Variants in COL4A6 observed in about 807,000 individuals in gnomAD.
COL4A6 encodes the protein collagen type IV alpha 6 chain.
A neutral mutation model predicts 126.7 loss-of-function variants in COL4A6; 59 were observed. The observed-to-expected ratio is 0.47, with a 90% CI of 0.38 to 0.58. COL4A6 has a LOEUF of 0.58. Among genes scored for constraint, COL4A6 ranks in the 20% least tolerant of loss-of-function variants. The pLI is 0.00. For missense variants in COL4A6, 1,285 were observed against 1,337.3 expected (o/e 0.96, Z 0.61); for synonymous variants, 547 against 496.6 (o/e 1.10, Z -1.35).
At chrX:108,188,445 G>T in intron 21 of COL4A6, 72 bp downstream of exon 21, 1 of 991,628 alleles carries the variant, frequency 1.0e-6, no homozygotes, top group Non-Finnish European at 1.3e-6. Flanking sequence ...CTTTAGAAAA[G>T]TAACTGGGGG....
chrX:108,240,017 C>T (rs969229817), intron 3 of COL4A6, among the ~76,000 whole-genome samples: 3 of 110,906 alleles, frequency 2.7e-5, no homozygotes, highest in Non-Finnish European at 5.7e-5. Flanking sequence ...CTGAGGTGGG[C>T]AGATCACTTG....
chrX:108,330,681 T>C (rs766114871), intron 2 of COL4A6, among the ~76,000 whole-genome samples: 3 of 111,035 alleles, frequency 2.7e-5, no homozygotes, highest in Non-Finnish European at 5.7e-5. Context: ...GAGATACAGG[T>C]GGTCTCAGCA....
At chrX:108,181,273 G>A (rs767753025) in intron 23 of COL4A6, among the ~76,000 whole-genome samples, 52 of 112,663 alleles carry the variant, frequency 4.6e-4, no homozygotes, top group Non-Finnish European at 7.9e-4. Flanking sequence ...CTTAGAGATT[G>A]CCTGTGCAGG....
chrX:108,207,159 A>G (rs2035568873), intron 8 of COL4A6, among the ~76,000 whole-genome samples: 1 of 111,915 alleles, frequency 8.9e-6, no homozygotes, highest in African/African-American at 3.2e-5. Context: ...AATTAAAGAT[A>G]GGCATGCTAT....
At chrX:108,219,532 A>G (rs775991381) in intron 5 of COL4A6, among the ~76,000 whole-genome samples, 166 bp downstream of exon 5, 153 of 111,877 alleles carry the variant, frequency 1.4e-3, no homozygotes, top group African/African-American at 4.7e-3. Flanking sequence ...CCTGAATCCA[A>G]GGGCAATTGT....
chrX:108,372,829 A>C lies in COL4A6; in HGVS notation c.64-62001T>G, dbSNP rs752003786. On this transcript the variant is annotated intron_variant, in intron 2 of 44. Coordinates refer to ENST00000334504, the MANE Select transcript of COL4A6 (RefSeq NM_033641.4). ...CTCAGATTAATTCATTTTGTCTTCA[A>C]ATCAACCCTATTTAGTATGTAGTAT... Among the ~76,000 whole-genome samples the C allele has an allele frequency of 1.7e-3, 191 of 112,386 alleles. 1 individual carries two copies. The highest frequency in any genetic ancestry group is 3.1e-3 in the Non-Finnish European group (167 of 53,276).
chrX:108,208,274 A>G (rs2035607915), intron 8 of COL4A6, among the ~76,000 whole-genome samples: 1 of 110,794 alleles, frequency 9.0e-6, no homozygotes, highest in South Asian at 3.7e-4. Flanking sequence ...CAGAAACACT[A>G]GACAAAAATA....
chrX:108,164,752 G>T, intron 39 of COL4A6, 54 bp from the exon 40 acceptor site: 1 of 1,185,375 alleles, frequency 8.4e-7, no homozygotes, highest in East Asian at 3.0e-5. Context: ...GGGTGGTAGG[G>T]GTGGAGGATA....
At chrX:108,425,733 A>AAC (rs752707988) in intron 2 of COL4A6, among the ~76,000 whole-genome samples, 3,031 of 90,482 alleles carry the variant, frequency 0.033, 48 homozygotes, top group Middle Eastern at 0.038. Context: ...CACACACACA[A>AAC]ACACACACAC....
chrX:108,431,279 C>T (rs1244006083), intron 2 of COL4A6, among the ~76,000 whole-genome samples: 1 of 111,755 alleles, frequency 8.9e-6, no homozygotes, highest in Non-Finnish European at 1.9e-5. Flanking sequence ...ACTAGTGAGG[C>T]AAGTTTGTGT....
intron 16 of COL4A6, among the ~76,000 whole-genome samples, chrX:108,193,986 G>T (rs771548244): frequency 3.5e-5 from 4 of 112,878 alleles, no homozygotes; most frequent in Admixed American, 2.8e-4. Context: ...GGCCTTGGCT[G>T]TACCTAAGTA....
At chrX:108,302,994 C>T (rs748695097) in intron 3 of COL4A6, among the ~76,000 whole-genome samples, 22 of 106,566 alleles carry the variant, frequency 2.1e-4, no homozygotes, top group African/African-American at 5.7e-4. Flanking sequence ...GCATGCCCTC[C>T]CCCCTCCACC....
intron 7 of COL4A6, 78 bp from the exon 8 acceptor site, chrX:108,210,082 T>C (rs1027018066): frequency 3.1e-5 from 32 of 1,038,640 alleles, no homozygotes; most frequent in Non-Finnish European, 4.1e-5. Flanking sequence ...CTAACATTTA[T>C]AGGGACAAAA....
At position 108,211,737 on chromosome X, in the gene COL4A6, G is replaced by A. The variant is rs1485438323; in HGVS notation, c.445C>T (p.Leu149Phe). 3.3e-6 allele frequency: 4 copies of A among 1,206,983 alleles called. No individual in the cohort carries two copies. Among genetic ancestry groups the A allele is most frequent in the Non-Finnish European group, 4.5e-6 (4 of 892,204 alleles). Residue 149 changes from leucine to phenylalanine, a missense_variant, in exon 7 of 45, where the codon CTT becomes TTT. Leu to Phe is a conservative substitution (Grantham distance 22). Transcript: ENST00000334504. ...CCTTTTGATCCTTTCTGACCAGGAA[G>A]CCCCTGAGTAAAATAGTTTAAAAAA... is the stretch of plus-strand genomic sequence containing the variant. The part of the protein sequence containing the change: ...GYPGLLGPPG[L>F]PGQKGSKGDP...
chrX:108,291,921 T>C (rs1169316039), intron 3 of COL4A6, among the ~76,000 whole-genome samples: 1 of 112,020 alleles, frequency 8.9e-6, no homozygotes, highest in African/African-American at 3.2e-5. Context: ...ATTGTATTGT[T>C]TATTGTAGGT....
intron 2 of COL4A6, among the ~76,000 whole-genome samples, chrX:108,390,006 A>G (rs1262264586): frequency 8.9e-6 from 1 of 111,889 alleles, no homozygotes; most frequent in East Asian, 2.8e-4. Context: ...TTGGCTGCAT[A>G]TGAAATTCTG....
intron 2 of COL4A6, among the ~76,000 whole-genome samples, chrX:108,312,899 G>T (rs7056381): frequency 0.029 from 3,230 of 110,175 alleles, 119 homozygotes; most frequent in African/African-American, 0.1. Flanking sequence ...GAGCAAAGAG[G>T]CTGGAAGCAA....
At chrX:108,416,216 A>C (rs1303661963) in intron 2 of COL4A6, among the ~76,000 whole-genome samples, 1 of 112,015 alleles carries the variant, frequency 8.9e-6, no homozygotes, top group Non-Finnish European at 1.9e-5. Flanking sequence ...GACCCTCCAC[A>C]AACTATTTAA....
chrX:108,326,709 T>C (rs1016356281), intron 2 of COL4A6, among the ~76,000 whole-genome samples: 1 of 112,496 alleles, frequency 8.9e-6, no homozygotes, highest in Non-Finnish European at 1.9e-5. Flanking sequence ...CTTAAACAAA[T>C]GGTGCTGAAA....
Sources: gnomAD v4.1 joint callset for allele counts (sites outside exome capture counted in the v4.1 genomes callset) on GRCh38, gnomAD v4.1.1 for gene constraint, MANE v1.5 for transcripts, NCBI Gene and HGNC (gene_info 2026-07-23, HGNC 2026-07-21) for gene names.